The following DLG2 variants were observed in gnomAD, a reference collection of about 807,000 sequenced individuals.
The protein encoded by DLG2 is discs large MAGUK scaffold protein 2.
A neutral mutation model predicts 132.5 loss-of-function variants in DLG2; 45 were observed. That is an observed-to-expected ratio of 0.34 (90% CI 0.27 to 0.44). The LOEUF is 0.44. DLG2 is among the 20% of genes least tolerant of loss of function. The pLI is 1.00. For missense variants in DLG2, 1,045 were observed against 1,196.9 expected (o/e 0.87, Z 1.87); for synonymous variants, 424 against 419.6 (o/e 1.01, Z -0.13).
At chr11:83,803,067 G>T (rs573277791) in intron 17 of DLG2, among the ~76,000 whole-genome samples, 82 of 151,988 alleles carry the variant, frequency 5.4e-4, no homozygotes, top group Non-Finnish European at 1.1e-3. Flanking sequence ...AGGCAAAAGG[G>T]GTTATGTAGG....
chr11:85,463,936 A>T (rs1359152554), intron 3 of DLG2, among the ~76,000 whole-genome samples: 4 of 150,302 alleles, frequency 2.7e-5, no homozygotes, highest in Admixed American at 1.3e-4. Context: ...TATACTATGA[A>T]TTTAATATAC....
chr11:84,805,008 TA>T, intron 6 of DLG2, among the ~76,000 whole-genome samples: 1 of 152,262 alleles, frequency 6.6e-6, no homozygotes, highest in South Asian at 2.1e-4. Flanking sequence ...GCTAGGGTGG[TA>T]TCAGAAGAGG....
chr11:84,689,795 A>C (rs1303721112), intron 6 of DLG2, among the ~76,000 whole-genome samples: 1 of 151,950 alleles, frequency 6.6e-6, no homozygotes, highest in East Asian at 1.9e-4. Context: ...AGCTAAGTTA[A>C]CGCACACACA....
intron 5 of DLG2, among the ~76,000 whole-genome samples, chr11:85,144,519 T>C (rs958037185): frequency 2.6e-5 from 4 of 151,842 alleles, no homozygotes; most frequent in African/African-American, 7.2e-5. Context: ...CTGTCTTCCT[T>C]TGTGTAAAAG....
chr11:84,554,298 T>C (rs1042494864), intron 6 of DLG2, among the ~76,000 whole-genome samples: 8 of 152,194 alleles, frequency 5.3e-5, no homozygotes, highest in African/African-American at 1.9e-4. Flanking sequence ...CTTTCCTTAA[T>C]GTGGATAGGA....
chr11:84,524,853 T>C (rs576509386), intron 7 of DLG2, among the ~76,000 whole-genome samples: 5 of 150,948 alleles, frequency 3.3e-5, no homozygotes, highest in Admixed American at 2.6e-4. Context: ...GGTATTTCTT[T>C]TTTTTTTTTT....
At chr11:84,018,209 C>A (rs1314146563) in intron 11 of DLG2, among the ~76,000 whole-genome samples, 1 of 151,884 alleles carries the variant, frequency 6.6e-6, no homozygotes, top group African/African-American at 2.4e-5. Context: ...TATTACTGTA[C>A]AGGTCACTGA....
intron 6 of DLG2, among the ~76,000 whole-genome samples, chr11:85,095,879 T>C (rs2069647171): frequency 6.6e-6 from 1 of 152,196 alleles, no homozygotes; most frequent in Admixed American, 6.5e-5. Context: ...AATTAATTCA[T>C]TTCTCTTCTT....
intron 7 of DLG2, among the ~76,000 whole-genome samples, chr11:84,486,689 T>G (rs1211170680): frequency 6.6e-6 from 1 of 152,078 alleles, no homozygotes; most frequent in African/African-American, 2.4e-5. Flanking sequence ...CTTGGAGTAA[T>G]GTATGTATCA....
chr11:85,538,338 C>A (rs1209363506), intron 3 of DLG2, among the ~76,000 whole-genome samples: 2 of 151,738 alleles, frequency 1.3e-5, no homozygotes, highest in South Asian at 2.1e-4. Flanking sequence ...AGTCAAGAAA[C>A]AACAGATGCT....
chr11:84,799,175 T>C (rs1023387578), intron 6 of DLG2, among the ~76,000 whole-genome samples: 1 of 152,166 alleles, frequency 6.6e-6, no homozygotes, highest in Non-Finnish European at 1.5e-5. Context: ...GCCTTTCAAG[T>C]TCATTTATGA....
rs1308346740 is a variant in DLG2, at chr11:84,251,266, T to C, written c.545A>G (p.Asn182Ser). Reference protein sequence around the residue: ...LKASPAPIIVNTDTLDTIPYV... With the variant: ...LKASPAPIIVSTDTLDTIPYV... ...AGGAATTGTGTCCAAAGTATCTGTG[T>C]TGACAATTATAGGAGCAGGACTGGC... The change falls in exon 8 of 28, where the codon AAC becomes AGC. Residue 182 changes from asparagine (N) to serine (S), a missense_variant. Physicochemically the swap from Asn to Ser is conservative, Grantham distance 46. Around this residue, in one of 4 missense-constraint regions of DLG2, gnomAD observed 277 missense variants for 238.2 expected, o/e 1.16. Coordinates refer to ENST00000376104, the MANE Select transcript of DLG2 (RefSeq NM_001142699.3). 6.3e-7 allele frequency: 1 copy of C among 1,593,806 alleles called. No homozygotes were observed. The highest frequency in any genetic ancestry group is 8.5e-7 in the Non-Finnish European group (1 of 1,172,618).
At chr11:83,940,843 A>G (rs2082490018) in intron 14 of DLG2, among the ~76,000 whole-genome samples, 1 of 152,196 alleles carries the variant, frequency 6.6e-6, no homozygotes, top group African/African-American at 2.4e-5. Context: ...CTTGGGTCTT[A>G]GGGCCTTACG....
At chr11:84,478,991 C>A (rs188483398) in intron 7 of DLG2, among the ~76,000 whole-genome samples, 1 of 152,168 alleles carries the variant, frequency 6.6e-6, no homozygotes, top group East Asian at 1.9e-4. Context: ...TGGTAAAATA[C>A]TACTCCTTTA....
intron 6 of DLG2, among the ~76,000 whole-genome samples, chr11:85,056,100 A>T (rs1159085633): frequency 6.6e-6 from 1 of 152,104 alleles, no homozygotes; most frequent in African/African-American, 2.4e-5. Flanking sequence ...TCAGCTATCC[A>T]AGAAATAATA....
chr11:83,493,353 TTC>T, intron 21 of DLG2, among the ~76,000 whole-genome samples: 1 of 49,888 alleles, frequency 2.0e-5, no homozygotes, highest in Admixed American at 1.5e-4. Flanking sequence ...CCTTCCTTCC[TTC>T]CTTCCTTCCT....
chr11:83,520,591 G>GTAGA (rs1271464959), intron 21 of DLG2, among the ~76,000 whole-genome samples: 1 of 151,668 alleles, frequency 6.6e-6, no homozygotes, highest in Non-Finnish European at 1.5e-5. Flanking sequence ...AGGTAGGCAG[G>GTAGA]TAGATAGATA....
At chr11:83,688,140 C>T (rs1442900300) in intron 18 of DLG2, among the ~76,000 whole-genome samples, 2 of 152,168 alleles carry the variant, frequency 1.3e-5, no homozygotes, top group Non-Finnish European at 2.9e-5. Flanking sequence ...TGGTCACAAT[C>T]TCAATTAATT....
chr11:84,445,921 A>C (rs2099033181), intron 7 of DLG2, among the ~76,000 whole-genome samples: 1 of 150,710 alleles, frequency 6.6e-6, no homozygotes, highest in African/African-American at 2.4e-5. Context: ...GCCTCAAAAA[A>C]AAAAAAAAAA....
Sources: allele counts gnomAD v4.1 joint callset (sites outside exome capture counted in the v4.1 genomes callset), GRCh38; gene constraint gnomAD v4.1.1; regional missense constraint gnomAD v4.1.1; transcripts MANE v1.5; gene names NCBI Gene and HGNC (gene_info 2026-07-23, HGNC 2026-07-21).